The following POU2F2 variants were observed in gnomAD, a reference collection of about 807,000 sequenced individuals.
The protein encoded by POU2F2 is POU domain, class 2, transcription factor 2.
A neutral mutation model predicts 63.5 loss-of-function variants in POU2F2; 14 were observed. The ratio of observed to expected loss-of-function variants is 0.22; its 90% CI spans 0.15 to 0.34. The LOEUF is 0.34. Among genes scored for constraint, POU2F2 ranks in the 10% least tolerant of loss-of-function variants. POU2F2 has a pLI of 1.00. For synonymous variants in POU2F2, 306 were observed against 348.6 expected (o/e 0.88, Z 1.36); for missense variants, 607 against 815.2 (o/e 0.74, Z 3.11).
In POU2F2 at chr19:42,092,252, G is replaced by T; in HGVS notation, c.1283C>A (p.Ala428Asp). Reference protein sequence around the residue: ...LSTTVTTLSSAVGTLHPSRTA... With the variant: ...LSTTVTTLSSDVGTLHPSRTA... ...CCGGCTGGGGTGGAGCGTCCCCACA[G>T]CTGAGGATAAGGTAGTAACTGCCAG... Residue 428 changes from alanine to aspartate, a missense_variant, in exon 13 of 15, where the codon GCT (alanine) becomes GAT (aspartate). By Grantham distance (126) the Ala-to-Asp change is moderately radical (BLOSUM62 -2). Transcript: ENST00000692977. The surrounding 1 kb of genome is among the most constrained non-coding windows in gnomAD (Gnocchi z 5.0). 6.4e-7 allele frequency: 1 copy of T among 1,558,180 alleles called. No individual in the cohort carries two copies. Among genetic ancestry groups the T allele is most frequent in the Non-Finnish European group, 8.7e-7 (1 of 1,149,724 alleles).
At chr19:42,190,419 G>C (rs1385875597) in intron 1 of POU2F2, among the ~76,000 whole-genome samples, 2 of 152,034 alleles carry the variant, frequency 1.3e-5, no homozygotes, top group Non-Finnish European at 2.9e-5. Flanking sequence ...ATGCTCAAGG[G>C]AGAAGGGTAA....
chr19:42,190,323 A>G (rs980553327), intron 1 of POU2F2, among the ~76,000 whole-genome samples: 2 of 152,110 alleles, frequency 1.3e-5, no homozygotes. Context: ...CTATATATAT[A>G]TATATGTTTG....
chr19:42,127,016 A>C (rs1332706635), intron 1 of POU2F2, among the ~76,000 whole-genome samples: 2 of 152,028 alleles, frequency 1.3e-5, no homozygotes, highest in African/African-American at 4.8e-5. Context: ...TCCTGGGGTC[A>C]AGCTATCCTC....
chr19:42,143,897 C>T (rs2034179326), intron 2 of POU2F2, among the ~76,000 whole-genome samples: 1 of 152,112 alleles, frequency 6.6e-6, no homozygotes, highest in Non-Finnish European at 1.5e-5. Context: ...CTCATCACTA[C>T]GTCCTCTACC....
intron 2 of POU2F2, among the ~76,000 whole-genome samples, chr19:42,149,619 TAG>T (rs2034301092): frequency 6.6e-6 from 1 of 150,970 alleles, no homozygotes; most frequent in Admixed American, 6.6e-5. Flanking sequence ...CAGAGTCAAA[TAG>T]AGAGACAGAG....
At chr19:42,157,764 CT>C (rs2034483965) in intron 2 of POU2F2, among the ~76,000 whole-genome samples, 1 of 152,138 alleles carries the variant, frequency 6.6e-6, no homozygotes, top group East Asian at 1.9e-4. Context: ...GTTGAGGAGC[CT>C]TAGATGGGGA....
Position 42,095,276 on chromosome 19 carries a change from C to T in POU2F2, c.1197+10G>A. On this transcript the variant is annotated intron_variant, in intron 11 of 14. Transcript: ENST00000692977. The surrounding 1 kb of genome is among the most constrained non-coding windows in gnomAD (Gnocchi z 7.1). The stretch of plus-strand genomic sequence containing the variant: ...GTGGTCTCCCCACCCCCCAGGCGGG[C>T]TCTTGGTACCATATGGGGGCTGTAG... 4 of 1,610,502 alleles carry T rather than the reference C, an allele frequency of 2.5e-6. No homozygotes were observed. Among genetic ancestry groups the T allele is most frequent in the South Asian group, 2.2e-5 (2 of 90,768 alleles).
In POU2F2 at chr19:42,099,608, C is replaced by T. The variant is rs375042716; in HGVS notation, c.486G>A (p.Pro162=). 74 of 1,613,462 alleles carry T rather than the reference C, an allele frequency of 4.6e-5. No individual in the cohort carries two copies. Among genetic ancestry groups the T allele is most frequent in the Non-Finnish European group, 5.6e-5 (66 of 1,179,704 alleles). ...GAGGTAGCTGGAATAGATTTGGTGT[C>T]GGTAGCAGGCCTGGAAAGACAAGGG... is the stretch of plus-strand genomic sequence containing the variant. The part of the protein sequence containing the change: ...QAQQSQPGLL[P]TPNLFQLPQQ... The change falls in exon 7 of 15, where the codon CCG becomes CCA. Residue 162 remains proline, a synonymous_variant. Coordinates refer to ENST00000692977, the MANE Select transcript of POU2F2 (RefSeq NM_001394376.1).
At chr19:42,154,820 C>A (rs1274475370) in intron 2 of POU2F2, among the ~76,000 whole-genome samples, 1 of 152,138 alleles carries the variant, frequency 6.6e-6, no homozygotes, top group Non-Finnish European at 1.5e-5. Context: ...GTCAGGGATG[C>A]TCAAGCCTTT....
intron 6 of POU2F2, 28 bp downstream of exon 6, chr19:42,099,687 AG>A: frequency 6.2e-7 from 1 of 1,601,214 alleles, no homozygotes; most frequent in South Asian, 1.1e-5. Context: ...TGGAGGCGTC[AG>A]GGAGGCCATC....
chr19:42,175,030 T>C (rs374451100), intron 1 of POU2F2, among the ~76,000 whole-genome samples: 16 of 152,108 alleles, frequency 1.1e-4, no homozygotes, highest in East Asian at 3.9e-4. Context: ...CAGATGGACT[T>C]CCGCCCCAAT....
chr19:42,140,776 G>C (rs1474859814), intron 2 of POU2F2, among the ~76,000 whole-genome samples: 2 of 152,150 alleles, frequency 1.3e-5, no homozygotes, highest in Non-Finnish European at 2.9e-5. Flanking sequence ...TGGTATTCTT[G>C]GTGCTTTAAC....
Position 42,153,070 on chromosome 19 carries a change from G to T in POU2F2, c.-9+7262C>A, listed in dbSNP as rs1224662717. On this transcript the variant is annotated intron_variant, in intron 2 of 6. Coordinates refer to the POU2F2 transcript ENST00000524801. The surrounding 1 kb of genome is among the most constrained non-coding windows in gnomAD (Gnocchi z 5.6). ...CGCCTTTGGGTCCCTGCGGGTAGAAGTTGCCTTGGCCTCACCCCAGGGTCT... is the reference window on the plus strand; with the variant it reads ...CGCCTTTGGGTCCCTGCGGGTAGAATTTGCCTTGGCCTCACCCCAGGGTCT... Among the ~76,000 whole-genome samples, 4 of 152,228 alleles carry T rather than the reference G, an allele frequency of 2.6e-5. No individual in the cohort carries two copies. Among genetic ancestry groups the T allele is most frequent in the Non-Finnish European group, 5.9e-5 (4 of 68,038 alleles).
chr19:42,096,072 G>T lies in POU2F2; in HGVS notation c.729+10C>A, dbSNP rs1401554972. On this transcript the variant is annotated intron_variant, in intron 8 of 14. Transcript: ENST00000692977. This position sits in a 1 kb window ranked among gnomAD's most constrained non-coding sequence, Gnocchi z 4.1. ...ACGCCCACCGCCCAGCCTGCAAGGT[G>T]CCTCCAGACCTGCGTGAAGCCCAGC... 1 of 1,613,146 alleles carries T rather than the reference G, an allele frequency of 6.2e-7. No homozygotes were observed. Among genetic ancestry groups the T allele is most frequent in the Non-Finnish European group, 8.5e-7 (1 of 1,179,552 alleles).
upstream of POU2F2, among the ~76,000 whole-genome samples, chr19:42,178,791 G>GAA (rs1430923595): frequency 3.3e-5 from 5 of 152,212 alleles, no homozygotes; most frequent in African/African-American, 1.2e-4. Flanking sequence ...TGCAAAGAGA[G>GAA]AAACAGAGAT....
intron 2 of POU2F2, among the ~76,000 whole-genome samples, chr19:42,154,109 C>T (rs1013418687): frequency 6.6e-6 from 1 of 151,438 alleles, no homozygotes. Context: ...CCCCCGCCCT[C>T]CCCCCACCAC....
At chr19:42,178,307 T>G (rs927263166), upstream of POU2F2, among the ~76,000 whole-genome samples, 1 of 148,746 alleles carries the variant, frequency 6.7e-6, no homozygotes, top group African/African-American at 2.5e-5. Flanking sequence ...GACAGAGAGA[T>G]AGTGAAAAAA....
chr19:42,103,702 G>A (rs1288561749), intron 5 of POU2F2, among the ~76,000 whole-genome samples: 1 of 135,232 alleles, frequency 7.4e-6, no homozygotes, highest in Non-Finnish European at 1.5e-5. Flanking sequence ...GCACCATCTC[G>A]GCTCACTGCA....
rs146178240 is a variant in POU2F2 at position 42,117,745 on chromosome 19, C to T, written c.187-313G>A. ...CTGTAACCCTAGCACTTTGGGAGGT[C>T]GAGGCAGGCGGATCACTTGGGGTCA... is the stretch of plus-strand genomic sequence containing the variant. On this transcript the variant is annotated intron_variant, in intron 4 of 14. Transcript: ENST00000692977. The surrounding 1 kb of genome is among the most constrained non-coding windows in gnomAD (Gnocchi z 4.4). Among the ~76,000 whole-genome samples, 60 of 151,354 alleles carry T rather than the reference C, an allele frequency of 4.0e-4. No individual in the cohort carries two copies. The highest frequency in any genetic ancestry group is 1.4e-3 in the African/African-American group (58 of 41,176).
Sources: allele counts gnomAD v4.1 joint callset (sites outside exome capture counted in the v4.1 genomes callset), GRCh38; gene constraint gnomAD v4.1.1; non-coding constraint Gnocchi (gnomAD v3.1); transcripts MANE v1.5; gene names NCBI Gene and HGNC (gene_info 2026-07-23, HGNC 2026-07-21).